NFATC2: variants seen among roughly 807,000 people sequenced by gnomAD.
NFATC2 encodes the protein nuclear factor of activated T cells 2, also known as nuclear factor of activated T-cells, cytoplasmic 2.
In NFATC2, 22 loss-of-function variants were observed where a neutral mutation model predicts 87.3. That is an observed-to-expected ratio of 0.25 (90% CI 0.18 to 0.36). The LOEUF (loss-of-function observed/expected upper bound fraction) is 0.36. Ranked by LOEUF, NFATC2 falls within the 10% of genes least tolerant of loss-of-function variation. The probability of loss-of-function intolerance (pLI) is 1.00; values close to 1 mark genes in which losing one functional copy is unlikely to be tolerated. For missense variants in NFATC2, 1,149 were observed against 1,259.1 expected (o/e 0.91, Z 1.32); for synonymous variants, 565 against 542.2 (o/e 1.04, Z -0.58).
At chr20:51,544,519 G>A (rs1482008848), upstream of NFATC2, among the ~76,000 whole-genome samples, 1 of 152,142 alleles carries the variant, frequency 6.6e-6, no homozygotes, top group Non-Finnish European at 1.5e-5. Flanking sequence ...AATATTTATT[G>A]AGCACCTGCC....
chr20:51,433,189 CT>C (rs1983037138), intron 8 of NFATC2, among the ~76,000 whole-genome samples: 1 of 152,098 alleles, frequency 6.6e-6, no homozygotes, highest in East Asian at 1.9e-4. Context: ...GATTTATTAC[CT>C]AAATACGCCC....
chr20:51,496,906 A>G (rs1600872167), intron 3 of NFATC2, among the ~76,000 whole-genome samples: 1 of 152,318 alleles, frequency 6.6e-6, no homozygotes, highest in Non-Finnish European at 1.5e-5. Flanking sequence ...CACATTCAGC[A>G]TCTGTTGACT....
chr20:51,477,875 TAATTAA>T (rs1024570203), intron 3 of NFATC2, among the ~76,000 whole-genome samples: 2 of 152,176 alleles, frequency 1.3e-5, no homozygotes, highest in African/African-American at 2.4e-5. Context: ...ATGTATATAT[TAATTAA>T]AATTAAGTAA....
At chr20:51,450,318 T>C (rs1232337742) in intron 6 of NFATC2, among the ~76,000 whole-genome samples, 1 of 152,206 alleles carries the variant, frequency 6.6e-6, no homozygotes, top group Non-Finnish European at 1.5e-5. Flanking sequence ...TGGGGCAGCA[T>C]GTATCAACTG....
intron 3 of NFATC2, among the ~76,000 whole-genome samples, chr20:51,512,681 T>C (rs2076290777): frequency 6.6e-6 from 1 of 152,232 alleles, no homozygotes. Context: ...TTATATTCAT[T>C]TTCTTTTTAT....
At position 51,415,578 on chromosome 20, in the gene NFATC2, T is replaced by C. The variant is rs983939667; in HGVS notation, c.2722+16489A>G. Among the ~76,000 whole-genome samples the C allele has an allele frequency of 2.6e-5, 4 of 152,278 alleles. 1 individual carries two copies. On this transcript the variant is annotated intron_variant, in intron 9 of 10. Coordinates refer to ENST00000371564, the MANE Select transcript of NFATC2 (RefSeq NM_012340.5). ...TGTGCAGGGCTGGGGACCAGTGACA[T>C]GGAATCAACAGCCAGCCTGGCTCAC... is the stretch of plus-strand genomic sequence containing the variant.
At position 51,391,315 on chromosome 20, in the gene NFATC2, A is replaced by G. The variant is rs758971990; in HGVS notation, c.*181T>C. 128 of 1,455,688 alleles carry G rather than the reference A, an allele frequency of 8.8e-5. No individual in the cohort carries two copies. The African/African-American group carries it at 1.7e-3, about 19-fold the overall frequency. The allele number at this position is 1,455,688 out of a possible 1,614,324, so 90.2% of individuals were successfully genotyped here. On this transcript the variant is annotated 3_prime_UTR_variant, in exon 11 of 11. Transcript: ENST00000371564. Reference sequence around the variant, plus strand: ...GTGGACTCCGGGCTGGGAGATGAACATGAAAGGAGACAGAAGGTGAGGGGC... The same window carrying G: ...GTGGACTCCGGGCTGGGAGATGAACGTGAAAGGAGACAGAAGGTGAGGGGC...
At chr20:51,533,677 C>T (rs149257866) in intron 1 of NFATC2, among the ~76,000 whole-genome samples, 263 of 152,328 alleles carry the variant, frequency 1.7e-3, no homozygotes, top group African/African-American at 6.0e-3. Flanking sequence ...GAAAGAAGGA[C>T]TCAGTGGTGC....
chr20:51,473,217 T>C (rs1045329387), intron 5 of NFATC2, among the ~76,000 whole-genome samples: 3 of 152,100 alleles, frequency 2.0e-5, no homozygotes, highest in African/African-American at 7.2e-5. Context: ...GTCCTTATCC[T>C]CTCCAGACCG....
chr20:51,528,546 G>T (rs1215757126), intron 1 of NFATC2, among the ~76,000 whole-genome samples: 2 of 152,212 alleles, frequency 1.3e-5, no homozygotes, highest in African/African-American at 2.4e-5. Context: ...ACGCACAGCT[G>T]AAGGATGCAC....
In NFATC2 at chr20:51,480,639, G is replaced by A. The variant is rs191704269; in HGVS notation, c.1333-4979C>T. ...TTTGGGTCAGACATATCTGAATTTCGATGCCAGCTCTGCTTCTTGATGGCT... is the reference window on the plus strand; with the variant it reads ...TTTGGGTCAGACATATCTGAATTTCAATGCCAGCTCTGCTTCTTGATGGCT... On this transcript the variant is annotated intron_variant, in intron 3 of 10. Transcript: ENST00000371564. This position sits in a 1 kb window ranked among gnomAD's most constrained non-coding sequence, Gnocchi z 4.2. 1.6e-3 allele frequency among the ~76,000 whole-genome samples: 247 copies of A among 152,278 alleles called. 2 individuals carry two copies. The highest frequency in any genetic ancestry group is 7.7e-3 in the South Asian group (37 of 4,824).
intron 3 of NFATC2, among the ~76,000 whole-genome samples, chr20:51,483,778 C>T (rs1284998617): frequency 1.3e-5 from 2 of 152,034 alleles, no homozygotes; most frequent in Non-Finnish European, 2.9e-5. Context: ...AGATCCATCT[C>T]AAAGCCCTGT....
At chr20:51,402,639 G>A (rs2146245526) in intron 9 of NFATC2, among the ~76,000 whole-genome samples, 1 of 152,312 alleles carries the variant, frequency 6.6e-6, no homozygotes, top group Middle Eastern at 3.4e-3. Context: ...ACCCCCTCTG[G>A]GGGTTAGAGG....
intron 5 of NFATC2, among the ~76,000 whole-genome samples, chr20:51,472,039 G>T (rs1053779838): frequency 1.3e-5 from 2 of 152,158 alleles, no homozygotes; most frequent in African/African-American, 4.8e-5. Context: ...GATCATCTGA[G>T]GTCAGGAGTT....
At chr20:51,520,070 G>T (rs1163774766) in intron 2 of NFATC2, among the ~76,000 whole-genome samples, 1 of 152,138 alleles carries the variant, frequency 6.6e-6, no homozygotes, top group Non-Finnish European at 1.5e-5. Flanking sequence ...CTTTATAGAA[G>T]ATTCTTGCAA....
chr20:51,406,854 G>T (rs1469169235), intron 9 of NFATC2, among the ~76,000 whole-genome samples: 1 of 152,210 alleles, frequency 6.6e-6, no homozygotes, highest in East Asian at 1.9e-4. Context: ...GGCTTCCACA[G>T]CAGAAGCCTG....
rs1280474907 is a variant in NFATC2, at chr20:51,477,572, TATATATATAA to T, written c.1333-1922_1333-1913del. Among the ~76,000 whole-genome samples, 647 of 77,970 alleles carry T rather than the reference TATATATATAA, an allele frequency of 8.3e-3. 6 individuals carry two copies. The highest frequency in any genetic ancestry group is 9.7e-3 in the African/African-American group (156 of 16,072). The allele number at this position is 77,970 out of a possible 152,430, so 51.2% of individuals were successfully genotyped here. ...ATATATATATATATATATATATATA[TATATATATAA>T]AATAACAAGAGACAAAAGGACATTG... On this transcript the variant is annotated intron_variant, in intron 3 of 10. Transcript: ENST00000371564.
chr20:51,529,629 A>AT (rs2076601175), intron 1 of NFATC2, among the ~76,000 whole-genome samples: 1 of 152,118 alleles, frequency 6.6e-6, no homozygotes, highest in African/African-American at 2.4e-5. Context: ...GAACCACCAA[A>AT]TGTTCTCAGG....
chr20:51,417,470 G>A (rs1255434942), intron 9 of NFATC2, among the ~76,000 whole-genome samples: 2 of 152,068 alleles, frequency 1.3e-5, no homozygotes, highest in Non-Finnish European at 2.9e-5. Context: ...CTACGTGCTT[G>A]CTCTTCCCTC....
Sources: allele counts gnomAD v4.1 joint callset (sites outside exome capture counted in the v4.1 genomes callset), GRCh38; gene constraint gnomAD v4.1.1; non-coding constraint Gnocchi (gnomAD v3.1); transcripts MANE v1.5; gene names NCBI Gene and HGNC (gene_info 2026-07-23, HGNC 2026-07-21).